The following MAML3 variants were observed in gnomAD, a reference collection of about 807,000 sequenced individuals.
MAML3 encodes mastermind like transcriptional coactivator 3.
Under a neutral mutation model 101.9 loss-of-function variants are expected in MAML3, and 27 were observed. That is an observed-to-expected ratio of 0.27 (90% CI 0.20 to 0.37). The LOEUF is 0.37. Among genes scored for constraint, MAML3 ranks in the 10% least tolerant of loss-of-function variants. MAML3 has a pLI of 1.00. For missense variants in MAML3, 1,316 were observed against 1,444.9 expected (o/e 0.91, Z 1.45); for synonymous variants, 501 against 555.9 (o/e 0.90, Z 1.39).
At chr4:139,912,286 GAAGTTTGGCTCTA>G (rs1732938984) in intron 1 of MAML3, among the ~76,000 whole-genome samples, 1 of 152,176 alleles carries the variant, frequency 6.6e-6, no homozygotes, top group African/African-American at 2.4e-5. Flanking sequence ...TGGAGACAAA[GAAGTTTGGCTCTA>G]ATAGTCTTTC....
At chr4:139,814,174 A>G (rs965062611) in intron 2 of MAML3, among the ~76,000 whole-genome samples, 5 of 152,318 alleles carry the variant, frequency 3.3e-5, no homozygotes, top group East Asian at 3.9e-4. Context: ...CCATGGTAGA[A>G]AGTCGATAAG....
At chr4:139,967,129 A>G (rs1734148229) in intron 1 of MAML3, among the ~76,000 whole-genome samples, 1 of 152,206 alleles carries the variant, frequency 6.6e-6, no homozygotes. Flanking sequence ...AACAATGGAA[A>G]AGAGAGGCTC....
chr4:140,051,981 T>C (rs956214504), intron 1 of MAML3, among the ~76,000 whole-genome samples: 1 of 152,194 alleles, frequency 6.6e-6, no homozygotes, highest in Non-Finnish European at 1.5e-5. Context: ...CTCACCCCTG[T>C]GTGTTAATTT....
chr4:139,924,801 C>G (rs904405403), intron 1 of MAML3, among the ~76,000 whole-genome samples: 2 of 152,176 alleles, frequency 1.3e-5, no homozygotes, highest in African/African-American at 4.8e-5. Context: ...TATTCATCTA[C>G]TACCTTCTCT....
chr4:139,830,014 T>A (rs181443495), intron 2 of MAML3, among the ~76,000 whole-genome samples: 20 of 152,322 alleles, frequency 1.3e-4, no homozygotes, highest in African/African-American at 4.3e-4. Context: ...ATATGAAAGC[T>A]TTTGTTAGCT....
At chr4:139,859,222 A>G (rs1375662740) in intron 2 of MAML3, among the ~76,000 whole-genome samples, 1 of 142,850 alleles carries the variant, frequency 7.0e-6, no homozygotes, top group African/African-American at 2.7e-5. Flanking sequence ...CAGAGGTTCT[A>G]CTACATTTTT....
chr4:139,776,355 T>C (rs924974348), intron 2 of MAML3, among the ~76,000 whole-genome samples: 4 of 152,214 alleles, frequency 2.6e-5, no homozygotes, highest in Non-Finnish European at 4.4e-5. Context: ...CGTGATACAG[T>C]GCCCTGGAAA....
chr4:139,730,759 G>A, intron 2 of MAML3, 92 bp from the exon 3 acceptor site: 1 of 1,208,362 alleles, frequency 8.3e-7, no homozygotes. Context: ...GAACGGGGCA[G>A]AAGTCCCAGC....
chr4:139,823,536 G>T (rs1190631215), intron 2 of MAML3, among the ~76,000 whole-genome samples: 1 of 152,110 alleles, frequency 6.6e-6, no homozygotes, highest in East Asian at 1.9e-4. Context: ...CTGGTCCTTG[G>T]TGTTTGCATG....
At chr4:139,922,851 A>G (rs548670016) in intron 1 of MAML3, among the ~76,000 whole-genome samples, 42 of 152,316 alleles carry the variant, frequency 2.8e-4, no homozygotes, top group Non-Finnish European at 5.1e-4. Flanking sequence ...CACAGCCAAG[A>G]TGGAGCAGAG....
intron 1 of MAML3, among the ~76,000 whole-genome samples, chr4:139,902,262 C>CGT (rs1491283981): frequency 2.4e-5 from 1 of 41,628 alleles, no homozygotes; most frequent in Non-Finnish European, 9.0e-5. Context: ...CGCACACACA[C>CGT]GCACACACAC....
At chr4:139,876,683 G>A (rs1164594169) in intron 2 of MAML3, among the ~76,000 whole-genome samples, 2 of 152,222 alleles carry the variant, frequency 1.3e-5, no homozygotes, top group Non-Finnish European at 2.9e-5. Context: ...TTTAGGGAAT[G>A]ATCATGTGGA....
Position 140,136,135 on chromosome 4 carries a change from G to C in MAML3, c.468+16725C>G, listed in dbSNP as rs187287813. On this transcript the variant is annotated intron_variant, in intron 1 of 4. Transcript: ENST00000509479. ...ATTTATAGGGAAATCCAAACCTTTT[G>C]GCTCTCCCCACTCATTCCTGGGAGG... Among the ~76,000 whole-genome samples, 807 of 152,188 alleles carry C rather than the reference G, an allele frequency of 5.3e-3. 6 individuals carry two copies. The highest frequency in any genetic ancestry group is 9.5e-3 in the Non-Finnish European group (645 of 68,002).
chr4:139,818,472 G>T (rs1008085452), intron 2 of MAML3, among the ~76,000 whole-genome samples: 15 of 152,176 alleles, frequency 9.9e-5, no homozygotes, highest in Non-Finnish European at 2.1e-4. Context: ...TCTTCCATGA[G>T]ATTTTTTCTA....
At chr4:139,843,307 C>T (rs900324166) in intron 2 of MAML3, among the ~76,000 whole-genome samples, 3 of 152,112 alleles carry the variant, frequency 2.0e-5, no homozygotes, top group Non-Finnish European at 4.4e-5. Flanking sequence ...TATCTTTTGC[C>T]CAAAGCTGAG....
At chr4:140,040,190 C>T (rs1727058651) in intron 1 of MAML3, among the ~76,000 whole-genome samples, 1 of 152,186 alleles carries the variant, frequency 6.6e-6, no homozygotes, top group Non-Finnish European at 1.5e-5. Context: ...CTAACAAGAT[C>T]CTTGAAGGCA....
rs753756944 is a variant in MAML3, at chr4:140,044,532, T to C, written c.468+108328A>G. On this transcript the variant is annotated intron_variant, in intron 1 of 4. Coordinates refer to ENST00000509479, the MANE Select transcript of MAML3 (RefSeq NM_018717.5). ...TCCGTTTCATCCCAAAATAAATACA[T>C]GCCAGTTTTTCACTATCTCAGCAAA... Among the ~76,000 whole-genome samples the C allele has an allele frequency of 6.0e-4, 91 of 152,196 alleles. 1 individual carries two copies. Among genetic ancestry groups the C allele is most frequent in the Non-Finnish European group, 1.6e-4 (11 of 68,034 alleles).
At chr4:140,025,767 C>T (rs1055287078) in intron 1 of MAML3, among the ~76,000 whole-genome samples, 23 of 152,206 alleles carry the variant, frequency 1.5e-4, no homozygotes, top group Admixed American at 1.5e-3. Context: ...AAGTGTCCTT[C>T]TACCCAATGC....
At chr4:139,809,864 G>GTA (rs1730765293) in intron 2 of MAML3, among the ~76,000 whole-genome samples, 1 of 88,592 alleles carries the variant, frequency 1.1e-5, no homozygotes, top group South Asian at 3.6e-4. Context: ...ATACCTGCAC[G>GTA]TACACACACA....
Sources: gnomAD v4.1 joint callset for allele counts (sites outside exome capture counted in the v4.1 genomes callset) on GRCh38, gnomAD v4.1.1 for gene constraint, MANE v1.5 for transcripts, NCBI Gene and HGNC (gene_info 2026-07-23, HGNC 2026-07-21) for gene names.